TRAPPC8: variants seen among roughly 807,000 people sequenced by gnomAD.
TRAPPC8 encodes the protein trafficking protein particle complex subunit 8.
In TRAPPC8, 54 loss-of-function variants were observed where a neutral mutation model predicts 174.3. That is an observed-to-expected ratio of 0.31 (90% CI 0.25 to 0.39). TRAPPC8 has a LOEUF of 0.39. Ranked by LOEUF, TRAPPC8 falls within the 10% of genes least tolerant of loss-of-function variation. TRAPPC8 has a pLI of 1.00. For synonymous variants in TRAPPC8, 630 were observed against 579.9 expected, an observed-to-expected ratio of 1.09 and a Z score of -1.24; for missense variants, 1,531 against 1,699.1, an observed-to-expected ratio of 0.90 and a Z score of 1.74.
At chr18:31,901,131 G>A in intron 9 of TRAPPC8, 106 bp from the exon 10 acceptor site, 1 of 872,982 alleles carries the variant, frequency 1.1e-6, no homozygotes, top group Non-Finnish European at 1.7e-6. Flanking sequence ...TTTTTAACTG[G>A]ATACACATGT....
intron 28 of TRAPPC8, 90 bp from the exon 29 acceptor site, chr18:31,831,079 G>A (rs920850098): frequency 1.8e-5 from 20 of 1,117,436 alleles, no homozygotes; most frequent in East Asian, 5.0e-5. Flanking sequence ...TCAGCTGGGC[G>A]CGGTGGCTCA....
intron 28 of TRAPPC8, among the ~76,000 whole-genome samples, chr18:31,831,805 A>T (rs1335091177): frequency 6.6e-6 from 1 of 152,132 alleles, no homozygotes; most frequent in African/African-American, 2.4e-5. Context: ...AAAATTCAAA[A>T]ATTTCTGAAT....
At chr18:31,923,612 T>A (rs1018299293) in intron 2 of TRAPPC8, among the ~76,000 whole-genome samples, 3 of 152,176 alleles carry the variant, frequency 2.0e-5, no homozygotes, top group Admixed American at 2.0e-4. Flanking sequence ...TTCTATGATC[T>A]CCAAAGAGTA....
chr18:31,880,090 A>AAAAAAAAAATATATAT (rs1259899654), intron 12 of TRAPPC8, among the ~76,000 whole-genome samples: 1 of 85,376 alleles, frequency 1.2e-5, no homozygotes, highest in African/African-American at 5.2e-5. Flanking sequence ...TGAAAAAAAA[A>AAAAAAAAAATATATAT]ATATATATAT....
chr18:31,850,543 C>T (rs1371596661), intron 24 of TRAPPC8, among the ~76,000 whole-genome samples: 1 of 152,062 alleles, frequency 6.6e-6, no homozygotes, highest in Non-Finnish European at 1.5e-5. Flanking sequence ...TACAGGATTT[C>T]CCTTAACTAA....
intron 1 of TRAPPC8, among the ~76,000 whole-genome samples, chr18:31,934,685 T>G (rs937079728): frequency 4.6e-4 from 70 of 151,932 alleles, no homozygotes; most frequent in Non-Finnish European, 4.9e-4. Context: ...CTGGCCAACG[T>G]GGTGAAACCC....
At chr18:31,884,860 T>G (rs936871134) in intron 12 of TRAPPC8, among the ~76,000 whole-genome samples, 6 of 151,312 alleles carry the variant, frequency 4.0e-5, no homozygotes, top group East Asian at 1.9e-4. Flanking sequence ...TTAAGTTTTT[T>G]TTTTTTTTTT....
intron 26 of TRAPPC8, chr18:31,844,402 G>A (rs1218955489): frequency 6.6e-6 from 1 of 152,188 alleles, no homozygotes; most frequent in Admixed American, 6.5e-5. Context: ...GTGCTGGTTA[G>A]GTTCTAGTTC....
At chr18:31,876,509 A>AAAAAAAAAAAAAAAAAAAAAAC (rs2035160356) in intron 12 of TRAPPC8, among the ~76,000 whole-genome samples, 1 of 148,614 alleles carries the variant, frequency 6.7e-6, no homozygotes, top group Non-Finnish European at 1.5e-5. Flanking sequence ...AAAAAAAAAA[A>AAAAAAAAAAAAAAAAAAAAAAC]AAAGATCACT....
At chr18:31,922,318 C>T (rs1285590911) in intron 2 of TRAPPC8, among the ~76,000 whole-genome samples, 3 of 152,132 alleles carry the variant, frequency 2.0e-5, no homozygotes, top group South Asian at 2.1e-4. Context: ...TGTGGCTGGG[C>T]GTGGTGGCTC....
chr18:31,872,363 T>C (rs76323579), intron 14 of TRAPPC8, among the ~76,000 whole-genome samples: 9,034 of 152,292 alleles, frequency 0.059, 288 homozygotes, highest in Middle Eastern at 0.11. Flanking sequence ...AACTGTTCTT[T>C]ACTTCTATGT....
chr18:31,855,743 C>G lies in TRAPPC8; in HGVS notation c.3253G>C (p.Val1085Leu). 6.2e-7 allele frequency: 1 copy of G among 1,611,020 alleles called. No homozygotes were observed. Among genetic ancestry groups the G allele is most frequent in the Non-Finnish European group, 8.5e-7 (1 of 1,179,546 alleles). Reference protein sequence around the residue: ...TSRSLNVRATVCRSNSLENEE... With the variant: ...TSRSLNVRATLCRSNSLENEE... ...TTTTCAAGAGAATTACTTCTGCAGACAGTGGCCCGTACATTTAAAGACCGA... is the reference window on the plus strand; with the variant it reads ...TTTTCAAGAGAATTACTTCTGCAGAGAGTGGCCCGTACATTTAAAGACCGA... The change falls in exon 21 of 29, where the codon GTC becomes CTC. Residue 1085 changes from valine (V) to leucine (L), a missense_variant. Physicochemically the swap from Val to Leu is conservative, Grantham distance 32. Coordinates refer to ENST00000283351, the MANE Select transcript of TRAPPC8 (RefSeq NM_014939.5).
At chr18:31,849,325 A>G (rs1027010040) in intron 25 of TRAPPC8, among the ~76,000 whole-genome samples, 1 of 152,086 alleles carries the variant, frequency 6.6e-6, no homozygotes, top group Non-Finnish European at 1.5e-5. Context: ...CTGCTTTCAG[A>G]GCTTATCATG....
intron 16 of TRAPPC8, among the ~76,000 whole-genome samples, chr18:31,869,593 T>C (rs965431476): frequency 6.6e-6 from 1 of 152,210 alleles, no homozygotes; most frequent in African/African-American, 2.4e-5. Flanking sequence ...ATTACCGTGA[T>C]AGTCAACAAA....
At chr18:31,941,820 C>T (rs1367158999) in intron 1 of TRAPPC8, among the ~76,000 whole-genome samples, 1 of 152,104 alleles carries the variant, frequency 6.6e-6, no homozygotes, top group Non-Finnish European at 1.5e-5. Context: ...AAGATATTGG[C>T]TAAAACATGC....
Position 31,897,855 on chromosome 18 carries a change from A to G in TRAPPC8, c.1527T>C (p.Ser509=), listed in dbSNP as rs1374854801. 9.9e-6 allele frequency: 16 copies of G among 1,611,500 alleles called. No homozygotes were observed. Among genetic ancestry groups the G allele is most frequent in the African/African-American group, 1.3e-5 (1 of 74,880 alleles). Residue 509 remains serine, a synonymous_variant, in exon 11 of 29, where the codon AGT becomes AGC. Coordinates refer to ENST00000283351, the MANE Select transcript of TRAPPC8 (RefSeq NM_014939.5). ...MVLAERCVLL[S]AELLKSQSKY... ...TGCTTTGGCTTTTTAAAAGTTCAGC[A>G]CTAAGCAACACACATCTTTCAGCCA...
At chr18:31,839,630 TA>T (rs1167455435) in intron 26 of TRAPPC8, among the ~76,000 whole-genome samples, 173 bp from the exon 27 acceptor site, 1 of 152,164 alleles carries the variant, frequency 6.6e-6, no homozygotes, top group Non-Finnish European at 1.5e-5. Flanking sequence ...TAATCTAAGA[TA>T]AAAAAATCAG....
chr18:31,926,618 T>C (rs940001754), intron 2 of TRAPPC8: 3 of 152,130 alleles, frequency 2.0e-5, no homozygotes, highest in Admixed American at 6.6e-5. Flanking sequence ...GTATTTTTAG[T>C]AGAAACAGGG....
At chr18:31,869,464 T>C (rs1263737165) in intron 16 of TRAPPC8, among the ~76,000 whole-genome samples, 1 of 152,218 alleles carries the variant, frequency 6.6e-6, no homozygotes, top group African/African-American at 2.4e-5. Flanking sequence ...TATGAACTTT[T>C]ATGAAACCAG....
Sources: allele counts gnomAD v4.1 joint callset (sites outside exome capture counted in the v4.1 genomes callset), GRCh38; gene constraint gnomAD v4.1.1; transcripts MANE v1.5; gene names NCBI Gene and HGNC (gene_info 2026-07-23, HGNC 2026-07-21).